Variants in EYA2 observed in about 807,000 individuals in gnomAD.
EYA2 encodes EYA transcriptional coactivator and phosphatase 2.
A neutral mutation model predicts 69.2 loss-of-function variants in EYA2; 31 were observed. The observed-to-expected ratio is 0.45, with a 90% CI of 0.34 to 0.60. The LOEUF is 0.60. Ranked by LOEUF, EYA2 falls within the 20% of genes least tolerant of loss-of-function variation. The probability of loss-of-function intolerance (pLI) is 0.02; values close to 1 mark genes in which losing one functional copy is unlikely to be tolerated. For missense variants in EYA2, 622 were observed against 701.2 expected (o/e 0.89, Z 1.28); for synonymous variants, 257 against 279.4 (o/e 0.92, Z 0.80).
intron 12 of EYA2, among the ~76,000 whole-genome samples, chr20:47,174,045 CA>C (rs1461940858): frequency 2.0e-5 from 3 of 152,196 alleles, no homozygotes; most frequent in African/African-American, 7.2e-5. Context: ...TTCTCTAGAA[CA>C]GAGGTTTTTA....
At chr20:47,149,610 G>A (rs1389072976) in intron 10 of EYA2, among the ~76,000 whole-genome samples, 2 of 150,618 alleles carry the variant, frequency 1.3e-5, no homozygotes, top group Non-Finnish European at 2.9e-5. Context: ...TTGGGAGGCT[G>A]AGACAGTGGA....
chr20:46,914,274 A>C (rs1182047326), intron 1 of EYA2, among the ~76,000 whole-genome samples: 2 of 152,182 alleles, frequency 1.3e-5, no homozygotes, highest in Non-Finnish European at 2.9e-5. Context: ...AAAAAATAGG[A>C]GTCAGTGGCA....
At chr20:47,081,276 C>G (rs1230058016) in intron 7 of EYA2, among the ~76,000 whole-genome samples, 1 of 151,908 alleles carries the variant, frequency 6.6e-6, no homozygotes, top group African/African-American at 2.4e-5. Context: ...CAAACCCTAT[C>G]AGTGTTATAT....
chr20:47,074,305 G>C lies in EYA2; in HGVS notation c.631G>C (p.Val211Leu). ...TYVLQEASHN[V>L]PNQSSESLAG... ...CGTCCTCCAGGAGGCATCTCACAACGTCCCCAACCAGAGTTCCGAGTCACT... is the reference window on the plus strand; with the variant it reads ...CGTCCTCCAGGAGGCATCTCACAACCTCCCCAACCAGAGTTCCGAGTCACT... The change falls in exon 7 of 16, where the codon GTC becomes CTC. Residue 211 changes from valine (V) to leucine (L), a missense_variant. This residue lies in a region of EYA2 where 365 missense variants were observed against 349.7 expected (regional missense o/e 1.04). Transcript: ENST00000327619. 1.9e-6 allele frequency: 3 copies of C among 1,613,882 alleles called. No homozygotes were observed. Among genetic ancestry groups the C allele is most frequent in the Non-Finnish European group, 2.5e-6 (3 of 1,179,934 alleles).
intron 1 of EYA2, among the ~76,000 whole-genome samples, chr20:46,951,096 T>C (rs1014321527): frequency 4.6e-5 from 7 of 152,154 alleles, no homozygotes; most frequent in Non-Finnish European, 1.5e-5. Context: ...ATGGTTTTCA[T>C]GGAAATGGTA....
chr20:47,037,619 C>T (rs1315258793), intron 5 of EYA2, among the ~76,000 whole-genome samples: 3 of 152,158 alleles, frequency 2.0e-5, no homozygotes, highest in Admixed American at 6.5e-5. Context: ...GTTCCCTTGC[C>T]TTTTCCAACC....
rs1217925910 is a variant in EYA2, at chr20:47,065,698, CTATT to C, written c.416-6483_416-6480del. ...AATTGCTCTGGAGGTTTAAATTTCT[CTATT>C]TATCTCAGACTGGTAATAAACACAG... is the stretch of plus-strand genomic sequence containing the variant. On this transcript the variant is annotated intron_variant, in intron 5 of 15. Transcript: ENST00000327619. Among the ~76,000 whole-genome samples the C allele has an allele frequency of 9.2e-5, 14 of 152,264 alleles. 1 individual carries two copies. Among genetic ancestry groups the C allele is most frequent in the South Asian group, 2.1e-4 (1 of 4,820 alleles).
chr20:47,063,392 C>CGTGTGTGT (rs35187186), intron 5 of EYA2, among the ~76,000 whole-genome samples: 1,459 of 143,464 alleles, frequency 0.01, 27 homozygotes, highest in African/African-American at 0.027. Flanking sequence ...TGTGCGTGTG[C>CGTGTGTGT]GTGTGTGTGT....
chr20:47,117,779 C>G (rs1443871483), intron 9 of EYA2: 1 of 770,006 alleles, frequency 1.3e-6, no homozygotes, highest in Non-Finnish European at 1.6e-6. Context: ...CAGATTCTTT[C>G]CTTTTCTTCC....
At chr20:46,942,016 C>T (rs1284855468) in intron 1 of EYA2, among the ~76,000 whole-genome samples, 1 of 152,026 alleles carries the variant, frequency 6.6e-6, no homozygotes, top group Non-Finnish European at 1.5e-5. Flanking sequence ...CTCAGCCTCC[C>T]AAAGTGTTGA....
At chr20:46,941,896 C>G (rs1600565343) in intron 1 of EYA2, among the ~76,000 whole-genome samples, 1 of 152,104 alleles carries the variant, frequency 6.6e-6, no homozygotes, top group East Asian at 1.9e-4. Context: ...GCAGCTGAGA[C>G]TACAGGCACA....
chr20:46,953,938 A>G (rs1978961389), intron 1 of EYA2, among the ~76,000 whole-genome samples: 1 of 152,204 alleles, frequency 6.6e-6, no homozygotes, highest in African/African-American at 2.4e-5. Flanking sequence ...CAGGGCCTAC[A>G]AGGCCCTGTG....
At chr20:47,020,001 G>A (rs1009246226) in intron 5 of EYA2, among the ~76,000 whole-genome samples, 2 of 150,792 alleles carry the variant, frequency 1.3e-5, no homozygotes, top group African/African-American at 2.4e-5. Context: ...TGGGCATGGT[G>A]GTGTGCACCT....
At chr20:47,185,729 A>C (rs1161395476) in intron 15 of EYA2, among the ~76,000 whole-genome samples, 1 of 152,222 alleles carries the variant, frequency 6.6e-6, no homozygotes, top group East Asian at 1.9e-4. Flanking sequence ...GGCGTTGAAG[A>C]GATGAGAGCT....
intron 12 of EYA2, among the ~76,000 whole-genome samples, chr20:47,175,135 G>A (rs376894914): frequency 5.2e-4 from 79 of 152,320 alleles, no homozygotes; most frequent in African/African-American, 1.9e-3. Context: ...AGCCAGTGAG[G>A]AGCCCACAGC....
At chr20:47,017,091 C>G (rs1391145789) in intron 5 of EYA2, among the ~76,000 whole-genome samples, 1 of 152,174 alleles carries the variant, frequency 6.6e-6, no homozygotes, top group East Asian at 1.9e-4. Flanking sequence ...AAGGAACTGG[C>G]TTACTGGGTT....
rs149898718 is a variant in EYA2 at position 47,070,831 on chromosome 20, ATAAT to A, written c.416-1352_416-1349del. The stretch of plus-strand genomic sequence containing the variant: ...ATATATACCACAATTTTTTAAATAA[ATAAT>A]TTTTATTTTTTATTTTATTTACTGT... On this transcript the variant is annotated intron_variant, in intron 5 of 15. Coordinates refer to ENST00000327619, the MANE Select transcript of EYA2 (RefSeq NM_005244.5). Among the ~76,000 whole-genome samples, 306 of 152,270 alleles carry A rather than the reference ATAAT, an allele frequency of 2.0e-3. 1 individual carries two copies. Among genetic ancestry groups the A allele is most frequent in the African/African-American group, 6.9e-3 (285 of 41,550 alleles).
At chr20:47,173,508 G>A (rs4629213) in intron 12 of EYA2, among the ~76,000 whole-genome samples, 19,115 of 52,728 alleles carry the variant, frequency 0.36, 4,689 homozygotes, top group African/African-American at 0.65. Flanking sequence ...GTGAGACCCC[G>A]TAAAAAAAAA....
At chr20:47,019,853 C>T (rs1983640474) in intron 5 of EYA2, among the ~76,000 whole-genome samples, 1 of 151,688 alleles carries the variant, frequency 6.6e-6, no homozygotes, top group Admixed American at 6.6e-5. Context: ...CCTGTAGTCC[C>T]AGCTACTCAA....
Sources: gnomAD v4.1 joint callset for allele counts (sites outside exome capture counted in the v4.1 genomes callset) on GRCh38, gnomAD v4.1.1 for gene constraint, gnomAD v4.1.1 regional missense constraint, MANE v1.5 for transcripts, NCBI Gene and HGNC (gene_info 2026-07-23, HGNC 2026-07-21) for gene names.